The following MINDY2 variants were observed in gnomAD, a reference collection of about 807,000 sequenced individuals.
MINDY2 encodes MINDY lysine 48 deubiquitinase 2.
A neutral mutation model predicts 68.2 loss-of-function variants in MINDY2; 52 were observed. The observed-to-expected ratio is 0.76, with a 90% confidence interval of 0.61 to 0.96. MINDY2 has a LOEUF of 0.96. MINDY2 is among the 40% of genes least tolerant of loss of function. The pLI is 0.00. For synonymous variants in MINDY2, 372 were observed against 303.0 expected (o/e 1.23, Z -2.36); for missense variants, 881 against 773.4 (o/e 1.14, Z -1.65).
chr15:58,788,198 G>C (rs1901636893), intron 2 of MINDY2, among the ~76,000 whole-genome samples: 1 of 152,132 alleles, frequency 6.6e-6, no homozygotes, highest in African/African-American at 2.4e-5. Context: ...GTAACGTCTA[G>C]AAAACAAGAT....
intron 3 of MINDY2, among the ~76,000 whole-genome samples, chr15:58,802,839 C>A (rs1208350575): frequency 6.6e-6 from 1 of 152,174 alleles, no homozygotes; most frequent in Non-Finnish European, 1.5e-5. Flanking sequence ...CATTTCTTGG[C>A]ATGTTCTTTA....
intron 2 of MINDY2, among the ~76,000 whole-genome samples, chr15:58,797,138 TA>T (rs1256157612): frequency 1.3e-5 from 2 of 152,146 alleles, no homozygotes; most frequent in African/African-American, 4.8e-5. Context: ...AAGATTTGGT[TA>T]AAAAAGAATA....
At chr15:58,806,183 C>T (rs1188681307) in intron 3 of MINDY2, among the ~76,000 whole-genome samples, 2 of 152,178 alleles carry the variant, frequency 1.3e-5, no homozygotes, top group African/African-American at 2.4e-5. Context: ...AAGAGATTCT[C>T]ATGCCTCAGC....
chr15:58,783,172 C>T (rs998553862), intron 1 of MINDY2, among the ~76,000 whole-genome samples: 21 of 151,916 alleles, frequency 1.4e-4, no homozygotes, highest in African/African-American at 3.1e-4. Flanking sequence ...CCGCCCACCT[C>T]GGCCTCCCAA....
chr15:58,826,592 A>C (rs1419091021), intron 5 of MINDY2, among the ~76,000 whole-genome samples: 1 of 152,172 alleles, frequency 6.6e-6, no homozygotes, highest in South Asian at 2.1e-4. Flanking sequence ...TTACCTGTAA[A>C]TGCTTCATCA....
intron 7 of MINDY2, among the ~76,000 whole-genome samples, chr15:58,850,230 G>T (rs1335121309): frequency 2.6e-5 from 4 of 152,158 alleles, no homozygotes; most frequent in Non-Finnish European, 5.9e-5. Context: ...CATGGGAGGA[G>T]GGAGGAGATG....
chr15:58,776,935 A>G (rs1900809808), intron 1 of MINDY2, among the ~76,000 whole-genome samples: 1 of 152,228 alleles, frequency 6.6e-6, no homozygotes, highest in African/African-American at 2.4e-5. Flanking sequence ...TGGCAAAGTA[A>G]CCATTGAACT....
rs932902673 is a variant in MINDY2 at position 58,771,986 on chromosome 15, G to A, written c.591G>A (p.Ala197=). The change falls in exon 1 of 9, where the codon GCG becomes GCA. Residue 197 remains alanine (A), a synonymous_variant. Coordinates refer to ENST00000559228, the MANE Select transcript of MINDY2 (RefSeq NM_001040450.3). ...GCGAGTTCAATAGTGAGGAGGGAGC[G>A]GAGAACAGGGTCCCTGAGGAGGAGG... ...SSCEFNSEEG[A]ENRVPEEEEG... is the part of the protein sequence containing the mutation. 6 of 1,583,338 alleles carry A rather than the reference G, an allele frequency of 3.8e-6. No homozygotes were observed. Among genetic ancestry groups the A allele is most frequent in the South Asian group, 1.2e-5 (1 of 85,240 alleles).
At chr15:58,777,323 G>C (rs1403310677) in intron 1 of MINDY2, among the ~76,000 whole-genome samples, 3 of 152,148 alleles carry the variant, frequency 2.0e-5, no homozygotes, top group Non-Finnish European at 2.9e-5. Flanking sequence ...GAAATTATTA[G>C]AAAATCAATA....
At chr15:58,852,674 C>G (rs1489481271) in intron 8 of MINDY2, among the ~76,000 whole-genome samples, 1 of 152,042 alleles carries the variant, frequency 6.6e-6, no homozygotes, top group Non-Finnish European at 1.5e-5. Flanking sequence ...GCCTCATTTT[C>G]CCTATCTGTA....
intron 5 of MINDY2, among the ~76,000 whole-genome samples, chr15:58,822,551 T>C (rs1254104935): frequency 7.9e-5 from 12 of 152,228 alleles, no homozygotes; most frequent in African/African-American, 2.9e-4. Flanking sequence ...CTCTGCTTTA[T>C]ATTTCAGTAT....
At position 58,772,255 on chromosome 15, in the gene MINDY2, A is replaced by G; in HGVS notation, c.840+20A>G. 1 of 1,605,820 alleles carries G rather than the reference A, an allele frequency of 6.2e-7. No individual in the cohort carries two copies. The highest frequency in any genetic ancestry group is 8.5e-7 in the Non-Finnish European group (1 of 1,179,732). ...TGGAAGGTACATTCTGCAGCTTTCT[A>G]CTTCCTACAGCTTTTGGGGTGGAGG... On this transcript the variant is annotated intron_variant, in intron 1 of 8. Coordinates refer to ENST00000559228, the MANE Select transcript of MINDY2 (RefSeq NM_001040450.3).
rs1369756696 is a variant in MINDY2, at chr15:58,791,371, C to T, written c.898+3408C>T. ...GTAGCCACTAGCCACATGCGGTCCTCAAGCTCTTAAAATGTAGCTCCTGTC... is the reference window on the plus strand; with the variant it reads ...GTAGCCACTAGCCACATGCGGTCCTTAAGCTCTTAAAATGTAGCTCCTGTC... On this transcript the variant is annotated intron_variant, in intron 2 of 8. Transcript: ENST00000559228. 2.0e-5 allele frequency among the ~76,000 whole-genome samples: 3 copies of T among 151,232 alleles called. No homozygotes were observed. In the Admixed American group the frequency reaches 2.0e-4, roughly 10 times the overall value.
intron 3 of MINDY2, among the ~76,000 whole-genome samples, chr15:58,809,250 T>C (rs2030051289): frequency 6.6e-6 from 1 of 152,080 alleles, no homozygotes; most frequent in Non-Finnish European, 1.5e-5. Flanking sequence ...CCCAGTCCCC[T>C]GGAAACAACC....
At position 58,859,579 on chromosome 15, in the gene MINDY2, A is replaced by T. The variant is rs192324740; in HGVS notation, c.*4969A>T. ...ATTGTTGAGAAAACATGAAGAATTG[A>T]GGTTACTCTTCTCAGGTGACACTTT... On this transcript the variant is annotated 3_prime_UTR_variant, in exon 9 of 9. Transcript: ENST00000559228. The T allele has an allele frequency of 1.3e-5, 2 of 152,310 alleles. No homozygotes were observed. The highest frequency in any genetic ancestry group is 3.9e-4 in the East Asian group (2 of 5,194). 9.4% of individuals were successfully genotyped at this position (152,310 alleles called of 1,614,324 possible). A position where few individuals can be genotyped will look rare whatever the true frequency, so the allele number is the denominator to read the frequency against.
chr15:58,786,172 G>T (rs1053532556), intron 1 of MINDY2, among the ~76,000 whole-genome samples: 8 of 152,086 alleles, frequency 5.3e-5, no homozygotes, highest in Non-Finnish European at 1.0e-4. Flanking sequence ...TTTACTTGTT[G>T]ATTAAAACAA....
Position 58,771,857 on chromosome 15 carries a change from C to T in MINDY2, c.462C>T (p.Ala154=), listed in dbSNP as rs752827017. Residue 154 remains alanine (A), a synonymous_variant, in exon 1 of 9, where the codon GCC becomes GCT. Transcript: ENST00000559228. ...CCGGCTCCGAAGAGCCCAGCAGCGC[C>T]GGCGGCCTCAGCAGCAGTTGCAGCG... ...TAAGSEEPSS[A]GGLSSSCSDP... 3.8e-6 allele frequency: 6 copies of T among 1,591,432 alleles called. No individual in the cohort carries two copies. The highest frequency in any genetic ancestry group is 4.3e-6 in the Non-Finnish European group (5 of 1,169,528).
chr15:58,774,534 G>T (rs1900657663), intron 1 of MINDY2, among the ~76,000 whole-genome samples: 1 of 150,458 alleles, frequency 6.6e-6, no homozygotes, highest in Non-Finnish European at 1.5e-5. Context: ...TGAGTATGAT[G>T]CAAATCTGCC....
intron 2 of MINDY2, 63 bp downstream of exon 2, chr15:58,788,026 T>G: frequency 8.8e-7 from 1 of 1,139,494 alleles, no homozygotes; most frequent in Non-Finnish European, 1.3e-6. Flanking sequence ...GCTAGTTGAT[T>G]ACCCAGTCTC....
Sources: allele counts gnomAD v4.1 joint callset (sites outside exome capture counted in the v4.1 genomes callset), GRCh38; gene constraint gnomAD v4.1.1; transcripts MANE v1.5; gene names NCBI Gene and HGNC (gene_info 2026-07-23, HGNC 2026-07-21).